Variants in COL4A4 observed in about 807,000 individuals in gnomAD.
COL4A4 encodes collagen alpha-4(IV) chain.
In COL4A4, 105 loss-of-function variants were observed where a neutral mutation model predicts 192.9. That is an observed-to-expected ratio of 0.54 (90% CI 0.46 to 0.64). The LOEUF is 0.64. COL4A4 is among the 30% of genes least tolerant of loss of function. COL4A4 has a pLI of 0.00. For missense variants in COL4A4, 1,967 were observed against 2,169.3 expected (o/e 0.91, Z 1.85); for synonymous variants, 762 against 769.9 (o/e 0.99, Z 0.17).
intron 4 of COL4A4, among the ~76,000 whole-genome samples, chr2:227,136,814 T>C (rs976701599): frequency 6.6e-6 from 1 of 152,220 alleles, no homozygotes; most frequent in Non-Finnish European, 1.5e-5. Context: ...TTCTTAGGAA[T>C]AGCCCGCTAT....
At chr2:227,007,980 G>A in intron 47 of COL4A4, 38 bp downstream of exon 47, 11 of 1,600,282 alleles carry the variant, frequency 6.9e-6, no homozygotes, top group Non-Finnish European at 9.3e-6. Flanking sequence ...GTTAGGAAAT[G>A]GTGAATGAGC....
intron 5 of COL4A4, 136 bp downstream of exon 5, chr2:227,120,878 G>A (rs772879884): frequency 8.7e-7 from 1 of 1,148,102 alleles, no homozygotes; most frequent in African/African-American, 1.5e-5. Flanking sequence ...GGCGAAGGCT[G>A]CAGTGAGCTG....
chr2:227,134,961 T>A (rs1391443473), intron 4 of COL4A4, among the ~76,000 whole-genome samples: 1 of 152,226 alleles, frequency 6.6e-6, no homozygotes, highest in Non-Finnish European at 1.5e-5. Flanking sequence ...GTATAACTTA[T>A]AAAAGGTCCT....
chr2:227,134,424 T>C (rs2062679534), intron 4 of COL4A4, among the ~76,000 whole-genome samples: 1 of 152,216 alleles, frequency 6.6e-6, no homozygotes, highest in African/African-American at 2.4e-5. Flanking sequence ...TAATTGTCAC[T>C]GGAACTTGTT....
Position 227,089,898 on chromosome 2 carries a change from G to C in COL4A4, c.1429C>G (p.Pro477Ala), listed in dbSNP as rs2059819729. The C allele has an allele frequency of 6.2e-7, 1 of 1,613,332 alleles. No homozygotes were observed. The highest frequency in any genetic ancestry group is 1.3e-5 in the African/African-American group (1 of 74,786). The change falls in exon 21 of 48, where the codon CCA becomes GCA. Residue 477 changes from proline to alanine, a missense_variant. Coordinates refer to ENST00000396625, the MANE Select transcript of COL4A4 (RefSeq NM_000092.5). ...PQGIKGKVGP[P>A]GGRGPKGEKG... Reference sequence around the variant, plus strand: ...TCTCCTTTTGGGCCTCTTCCTCCTGGGGGACCAACTTTGCCTTTTATTCCT... The same window carrying C: ...TCTCCTTTTGGGCCTCTTCCTCCTGCGGGACCAACTTTGCCTTTTATTCCT...
intron 20 of COL4A4, among the ~76,000 whole-genome samples, chr2:227,091,462 CAGAT>C (rs764070400): frequency 1.3e-4 from 19 of 147,042 alleles, no homozygotes; most frequent in East Asian, 3.9e-4. Flanking sequence ...GATTTTCTGA[CAGAT>C]AGATAGAGTA....
Position 227,008,047 on chromosome 2 carries a change from T to C in COL4A4, c.4780A>G (p.Ser1594Gly). 1 of 1,613,410 alleles carries C rather than the reference T, an allele frequency of 6.2e-7. No individual in the cohort carries two copies. The highest frequency in any genetic ancestry group is 8.5e-7 in the Non-Finnish European group (1 of 1,180,026). ...SIPPCPQTWR[S>G]LWIGYSFLMH... Reference sequence around the variant, plus strand: ...AGGAATGAATACCCGATCCAGAGGCTCCTCCAGGTCTGCGGACATGGGGGG... The same window carrying C: ...AGGAATGAATACCCGATCCAGAGGCCCCTCCAGGTCTGCGGACATGGGGGG... The change falls in exon 47 of 48, where the codon AGC (serine) becomes GGC (glycine). Residue 1594 changes from serine to glycine, a missense_variant. Ser to Gly is a moderately conservative substitution (Grantham distance 56, BLOSUM62 0). Transcript: ENST00000396625.
At chr2:227,023,328 A>T (rs1021054860) in intron 43 of COL4A4, among the ~76,000 whole-genome samples, 10 of 151,920 alleles carry the variant, frequency 6.6e-5, no homozygotes, top group African/African-American at 2.4e-4. Flanking sequence ...CTGTAGTTCC[A>T]GCTACTCAGG....
chr2:227,140,380 G>A, intron 3 of COL4A4, 142 bp from the exon 4 acceptor site: 1 of 717,076 alleles, frequency 1.4e-6, no homozygotes, highest in Non-Finnish European at 2.5e-6. Flanking sequence ...AAAAGATGAA[G>A]AACTTACACA....
chr2:227,129,933 T>C (rs1356981165), intron 4 of COL4A4, among the ~76,000 whole-genome samples: 1 of 152,208 alleles, frequency 6.6e-6, no homozygotes, highest in African/African-American at 2.4e-5. Context: ...TTCCTTTCTT[T>C]TCTAATGCTT....
rs535262902 is a variant in COL4A4, at chr2:227,121,572, A to G, written c.193-424T>C. Among the ~76,000 whole-genome samples the G allele has an allele frequency of 1.6e-3, 220 of 135,144 alleles. 3 individuals are homozygous for G. The highest frequency in any genetic ancestry group is 2.8e-3 in the Admixed American group (39 of 13,712). 88.7% of individuals were successfully genotyped at this position (135,144 alleles called of 152,430 possible). A position where few individuals can be genotyped will look rare whatever the true frequency, so the allele number is the denominator to read the frequency against. On this transcript the variant is annotated intron_variant, in intron 4 of 47. Coordinates refer to ENST00000396625, the MANE Select transcript of COL4A4 (RefSeq NM_000092.5). ...GACAGACCCTATCTCAAAAAAAAAA[A>G]AAAAGAAAAGAAAAGAAAGACAAGA...
rs754364527 is a variant in COL4A4 at position 227,114,525 on chromosome 2, A to C, written c.558+103T>G. On this transcript the variant is annotated intron_variant, in intron 8 of 47. Coordinates refer to ENST00000396625, the MANE Select transcript of COL4A4 (RefSeq NM_000092.5). ...TCAGGGTAATGATAAAAATTGGTGT[A>C]TTCAGGGACATTTTGAAGAAAAATC... 1.3e-5 allele frequency: 12 copies of C among 927,402 alleles called. 1 individual carries two copies. The South Asian group carries it at 1.3e-4, about 10-fold the overall frequency. 57.4% of individuals were successfully genotyped at this position (927,402 alleles called of 1,614,324 possible).
the COL4A4 span, among the ~76,000 whole-genome samples, chr2:226,989,200 G>A: frequency 6.6e-6 from 1 of 152,182 alleles, no homozygotes; most frequent in Non-Finnish European, 1.5e-5. Context: ...AATAGACAAA[G>A]AAATTCTACT....
chr2:227,117,375 C>T (rs1559667288), intron 7 of COL4A4, among the ~76,000 whole-genome samples: 1 of 152,178 alleles, frequency 6.6e-6, no homozygotes, highest in Non-Finnish European at 1.5e-5. Context: ...CCAGACTGCA[C>T]TTGAGTTTTC....
intron 4 of COL4A4, among the ~76,000 whole-genome samples, chr2:227,131,269 C>T (rs977291578): frequency 2.3e-4 from 35 of 152,000 alleles, no homozygotes; most frequent in Admixed American, 2.3e-3. Flanking sequence ...AATTCTCTGC[C>T]TCAGCCTCCC....
intron 22 of COL4A4, among the ~76,000 whole-genome samples, chr2:227,087,323 T>C (rs2059658248): frequency 6.6e-6 from 1 of 152,220 alleles, no homozygotes. Context: ...TTAAGTTGAA[T>C]ATCATCCTAC....
At chr2:227,042,976 G>C (rs148831855) in intron 36 of COL4A4, 101 bp downstream of exon 36, 93 of 862,578 alleles carry the variant, frequency 1.1e-4, no homozygotes, top group Non-Finnish European at 1.7e-4. Context: ...GGAAATGGCA[G>C]AGCCATATCT....
chr2:227,031,069 G>GGATGGATGGATGGATGGATGGATA (rs1443575965), intron 40 of COL4A4, among the ~76,000 whole-genome samples: 2 of 151,862 alleles, frequency 1.3e-5, no homozygotes, highest in African/African-American at 4.8e-5. Flanking sequence ...ATGGATGGAT[G>GGATGGATGGATGGATGGATGGATA]GATAGACTGA....
intron 44 of COL4A4, among the ~76,000 whole-genome samples, chr2:227,014,693 T>G (rs1402333607): frequency 6.6e-6 from 1 of 151,868 alleles, no homozygotes; most frequent in Non-Finnish European, 1.5e-5. Flanking sequence ...CCAGAATCTC[T>G]GCTCTTTTAT....
Sources: allele counts gnomAD v4.1 joint callset (sites outside exome capture counted in the v4.1 genomes callset), GRCh38; gene constraint gnomAD v4.1.1; transcripts MANE v1.5; gene names NCBI Gene and HGNC (gene_info 2026-07-23, HGNC 2026-07-21).